MTMR2: variants seen among roughly 807,000 people sequenced by gnomAD.
MTMR2 encodes myotubularin related protein 2.
A neutral mutation model predicts 86.9 loss-of-function variants in MTMR2; 55 were observed. That is an observed-to-expected ratio of 0.63 (90% CI 0.51 to 0.79). The LOEUF (loss-of-function observed/expected upper bound fraction) is 0.79, where lower values mean the gene tolerates loss of function less well. Among genes scored for constraint, MTMR2 ranks in the 30% least tolerant of loss-of-function variants. The probability of loss-of-function intolerance (pLI) is 0.00; values close to 1 mark genes in which losing one functional copy is unlikely to be tolerated. For missense variants in MTMR2, 659 were observed against 772.3 expected (o/e 0.85, Z 1.74); for synonymous variants, 241 against 266.8 (o/e 0.90, Z 0.94).
intron 7 of MTMR2, among the ~76,000 whole-genome samples, chr11:95,854,354 A>G (rs1261069139): frequency 6.6e-6 from 1 of 152,208 alleles, no homozygotes; most frequent in Non-Finnish European, 1.5e-5. Context: ...CTTACATTCC[A>G]GTTCTAAGGA....
intron 10 of MTMR2, 65 bp downstream of exon 10, chr11:95,847,648 TA>T: frequency 7.1e-7 from 1 of 1,417,958 alleles, no homozygotes; most frequent in Non-Finnish European, 1.0e-6. Context: ...CAATTATAAG[TA>T]AAAAGCTAAT....
At chr11:95,888,564 T>C (rs1865596031) in intron 1 of MTMR2, among the ~76,000 whole-genome samples, 1 of 152,254 alleles carries the variant, frequency 6.6e-6, no homozygotes, top group South Asian at 2.1e-4. Context: ...ATTCACTGAG[T>C]GGTCCAATGT....
chr11:95,911,672 G>A (rs1332802493), intron 1 of MTMR2, among the ~76,000 whole-genome samples: 2 of 152,178 alleles, frequency 1.3e-5, no homozygotes, highest in Non-Finnish European at 2.9e-5. Flanking sequence ...ACTTAACTGA[G>A]AGAAGAATCA....
At chr11:95,880,114 G>T (rs1865269378) in intron 2 of MTMR2, among the ~76,000 whole-genome samples, 1 of 151,654 alleles carries the variant, frequency 6.6e-6, no homozygotes, top group Non-Finnish European at 1.5e-5. Flanking sequence ...CTTTTAGTGT[G>T]CCTTGTAATT....
intron 8 of MTMR2, among the ~76,000 whole-genome samples, chr11:95,850,225 C>G (rs1863963778): frequency 6.6e-6 from 1 of 151,826 alleles, no homozygotes; most frequent in Admixed American, 6.6e-5. Flanking sequence ...TATTTAAGCT[C>G]ATCTTTCTAA....
At chr11:95,852,303 A>C (rs181666819) in intron 7 of MTMR2, among the ~76,000 whole-genome samples, 1 of 152,336 alleles carries the variant, frequency 6.6e-6, no homozygotes, top group East Asian at 1.9e-4. Context: ...GAGCATTCCA[A>C]ATCTATCCTT....
In MTMR2 at chr11:95,864,412, G is replaced by A. The variant is rs553267539; in HGVS notation, c.262+1189C>T. ...TTTCATAATGGGAGCTGCAATTACG[G>A]CATTAAGTTCAGAATAAGAAAAAGA... is the stretch of plus-strand genomic sequence containing the variant. On this transcript the variant is annotated intron_variant, in intron 3 of 14. Transcript: ENST00000346299. Among the ~76,000 whole-genome samples the A allele has an allele frequency of 3.3e-5, 5 of 152,180 alleles. No homozygotes were observed. In the East Asian group the frequency reaches 7.7e-4, roughly 24 times the overall value.
chr11:95,853,831 T>C (rs545660), intron 7 of MTMR2, among the ~76,000 whole-genome samples: 18,023 of 152,180 alleles, frequency 0.12, 3,385 homozygotes, highest in African/African-American at 0.4. Flanking sequence ...GAAGTTTCCA[T>C]ATGAAGCAAA....
chr11:95,923,932 T>C lies in MTMR2; in HGVS notation c.23A>G (p.Glu8Gly). ...CGCCGCCGGCTGGGAGCCAAGACTC[T>C]CGCAGCTCGAGCTCTTCTCCATCGC... MEKSSSCESLGSQPAAAR... is the reference protein window; with the variant it reads MEKSSSCGSLGSQPAAAR... The change falls in exon 1 of 15, where the codon GAG (glutamate) becomes GGG (glycine). Residue 8 changes from glutamate to glycine, a missense_variant. Coordinates refer to ENST00000346299, the MANE Select transcript of MTMR2 (RefSeq NM_016156.6). 1.9e-6 allele frequency: 3 copies of C among 1,561,280 alleles called. No homozygotes were observed. Among genetic ancestry groups the C allele is most frequent in the South Asian group, 1.2e-5 (1 of 84,990 alleles).
chr11:95,896,168 C>G (rs140191254), intron 1 of MTMR2, among the ~76,000 whole-genome samples: 3 of 152,102 alleles, frequency 2.0e-5, no homozygotes, highest in African/African-American at 7.2e-5. Context: ...AATATCACCT[C>G]CTTGGGAAAA....
At chr11:95,902,816 T>C (rs773462644) in intron 1 of MTMR2, among the ~76,000 whole-genome samples, 6 of 152,154 alleles carry the variant, frequency 3.9e-5, no homozygotes, top group Admixed American at 6.6e-5. Flanking sequence ...AAACTGGGCC[T>C]TGTCCCTCAC....
chr11:95,851,740 CGCTT>C (rs1240724673), intron 7 of MTMR2, among the ~76,000 whole-genome samples: 1 of 152,154 alleles, frequency 6.6e-6, no homozygotes, highest in African/African-American at 2.4e-5. Flanking sequence ...GCACAGCTAT[CGCTT>C]ACATACGTAA....
chr11:95,875,078 A>T (rs914906783), intron 2 of MTMR2, among the ~76,000 whole-genome samples: 4 of 151,958 alleles, frequency 2.6e-5, no homozygotes, highest in Non-Finnish European at 4.4e-5. Context: ...CGTGTCTTGG[A>T]GTTGCTCTTC....
chr11:95,881,114 G>A (rs1865306824), intron 2 of MTMR2, among the ~76,000 whole-genome samples: 1 of 151,302 alleles, frequency 6.6e-6, no homozygotes, highest in Non-Finnish European at 1.5e-5. Flanking sequence ...GTGTGTGTGA[G>A]TTAGAAATTC....
At chr11:95,890,822 T>C (rs1865690047) in intron 1 of MTMR2, among the ~76,000 whole-genome samples, 1 of 152,204 alleles carries the variant, frequency 6.6e-6, no homozygotes, top group African/African-American at 2.4e-5. Context: ...AAGGATCACT[T>C]GAGCCCAGGA....
intron 1 of MTMR2, among the ~76,000 whole-genome samples, chr11:95,905,331 G>GCGCGCGCGCA (rs928252045): frequency 5.4e-5 from 8 of 148,098 alleles, no homozygotes; most frequent in African/African-American, 2.0e-4. Flanking sequence ...ACGCACCTGC[G>GCGCGCGCGCA]CACACACACA....
intron 1 of MTMR2, among the ~76,000 whole-genome samples, chr11:95,909,259 G>T (rs1193352526): frequency 6.6e-6 from 1 of 151,982 alleles, no homozygotes; most frequent in South Asian, 2.1e-4. Flanking sequence ...TTTCAAAATA[G>T]AATCAATAAA....
intron 3 of MTMR2, among the ~76,000 whole-genome samples, chr11:95,862,677 C>T (rs566933895): frequency 2.6e-5 from 4 of 152,218 alleles, no homozygotes; most frequent in East Asian, 1.9e-4. Context: ...GCAGCAGAGA[C>T]GGGTGAAAGA....
chr11:95,917,919 T>G (rs1866770729), intron 1 of MTMR2, among the ~76,000 whole-genome samples: 1 of 152,212 alleles, frequency 6.6e-6, no homozygotes, highest in African/African-American at 2.4e-5. Context: ...TTAAAAATGC[T>G]TGTTTCCACT....
Sources: allele counts gnomAD v4.1 joint callset (sites outside exome capture counted in the v4.1 genomes callset), GRCh38; gene constraint gnomAD v4.1.1; transcripts MANE v1.5; gene names NCBI Gene and HGNC (gene_info 2026-07-23, HGNC 2026-07-21).